The following SFMBT2 variants were observed in gnomAD, a reference collection of about 807,000 sequenced individuals.
The protein encoded by SFMBT2 is scm-like with four MBT domains protein 2.
In SFMBT2, 38 loss-of-function variants were observed where a neutral mutation model predicts 110.1. That is an observed-to-expected ratio of 0.35 (90% confidence interval 0.27 to 0.45). SFMBT2 has a LOEUF of 0.45. SFMBT2 is among the 20% of genes least tolerant of loss of function. The pLI is 1.00. For synonymous variants in SFMBT2, 425 were observed against 425.4 expected, an observed-to-expected ratio of 1.00 and a Z score of 0.01; for missense variants, 1,011 against 1,094.9, an observed-to-expected ratio of 0.92 and a Z score of 1.08.
intron 9 of SFMBT2, among the ~76,000 whole-genome samples, chr10:7,240,798 T>C (rs1840403672): frequency 6.6e-6 from 1 of 152,228 alleles, no homozygotes. Context: ...TCTTGTATTG[T>C]GTGCTCTTCT....
At chr10:7,303,756 G>A (rs768264116) in intron 4 of SFMBT2, among the ~76,000 whole-genome samples, 22 of 152,092 alleles carry the variant, frequency 1.4e-4, no homozygotes, top group African/African-American at 4.1e-4. Flanking sequence ...ATTTTCTGCC[G>A]GAAGAGAAAG....
chr10:7,406,036 G>A (rs144264345), intron 1 of SFMBT2, among the ~76,000 whole-genome samples: 1 of 151,560 alleles, frequency 6.6e-6, no homozygotes, highest in East Asian at 1.9e-4. Context: ...ACCACAAAAT[G>A]CATCCTGAAT....
intron 11 of SFMBT2, among the ~76,000 whole-genome samples, chr10:7,218,420 G>C (rs1204084061): frequency 6.6e-6 from 1 of 152,176 alleles, no homozygotes; most frequent in African/African-American, 2.4e-5. Context: ...TACTTTATTT[G>C]TATGCAGTAT....
chr10:7,337,812 A>G (rs1355920731), intron 4 of SFMBT2, among the ~76,000 whole-genome samples: 1 of 152,172 alleles, frequency 6.6e-6, no homozygotes, highest in Non-Finnish European at 1.5e-5. Context: ...GAATCAACTG[A>G]AGACGAAAAT....
chr10:7,202,969 T>G, intron 12 of SFMBT2: 1 of 985,424 alleles, frequency 1.0e-6, no homozygotes, highest in Non-Finnish European at 1.2e-6. Context: ...AACATGTTAT[T>G]CACAAAAGGA....
intron 13 of SFMBT2, among the ~76,000 whole-genome samples, chr10:7,202,119 G>A (rs968808963): frequency 1.3e-5 from 2 of 152,202 alleles, no homozygotes; most frequent in African/African-American, 4.8e-5. Flanking sequence ...CATTCTGAGT[G>A]TGGTGAGGGG....
chr10:7,166,048 C>T (rs1837686319), intron 20 of SFMBT2, among the ~76,000 whole-genome samples: 1 of 152,208 alleles, frequency 6.6e-6, no homozygotes, highest in African/African-American at 2.4e-5. Flanking sequence ...CTCATAAAAA[C>T]ACATTTTAAG....
intron 11 of SFMBT2, among the ~76,000 whole-genome samples, chr10:7,208,961 C>T (rs1588340444): frequency 3.3e-5 from 5 of 152,294 alleles, no homozygotes; most frequent in African/African-American, 1.2e-4. Flanking sequence ...ATTATGCCTT[C>T]TCCCACCCCA....
chr10:7,388,276 A>AT (rs944642382), intron 1 of SFMBT2, among the ~76,000 whole-genome samples: 1 of 150,910 alleles, frequency 6.6e-6, no homozygotes, highest in African/African-American at 2.4e-5. Flanking sequence ...TTAGATGGTG[A>AT]TAAGTGCTAT....
At chr10:7,397,340 G>C (rs1845953099) in intron 1 of SFMBT2, among the ~76,000 whole-genome samples, 2 of 151,676 alleles carry the variant, frequency 1.3e-5, no homozygotes, top group South Asian at 4.2e-4. Context: ...CTCTGCAAAG[G>C]GAAAGGGCTT....
chr10:7,329,013 G>A (rs556189518), intron 4 of SFMBT2, among the ~76,000 whole-genome samples: 4 of 152,214 alleles, frequency 2.6e-5, no homozygotes, highest in South Asian at 2.1e-4. Context: ...ATTCCCTGCC[G>A]GCTCCTGAAT....
chr10:7,373,594 C>T (rs1845118462), intron 2 of SFMBT2, among the ~76,000 whole-genome samples: 1 of 152,134 alleles, frequency 6.6e-6, no homozygotes, highest in Admixed American at 6.5e-5. Context: ...GAAGTACTTT[C>T]CCCCTCCTTC....
chr10:7,384,880 G>A (rs543075014), intron 1 of SFMBT2, among the ~76,000 whole-genome samples: 2 of 152,272 alleles, frequency 1.3e-5, no homozygotes, highest in African/African-American at 4.8e-5. Flanking sequence ...CACTGCATTG[G>A]CGGCCACAGA....
chr10:7,215,763 C>G, intron 11 of SFMBT2: 2 of 982,382 alleles, frequency 2.0e-6, no homozygotes, highest in Non-Finnish European at 2.4e-6. Flanking sequence ...ACCTGCTTCC[C>G]TCCTCCTTCC....
intron 10 of SFMBT2, among the ~76,000 whole-genome samples, chr10:7,226,426 G>A (rs141764227): frequency 3.3e-5 from 5 of 152,304 alleles, no homozygotes; most frequent in East Asian, 1.9e-4. Context: ...TTCTCGCTTC[G>A]TTTTTCATAT....
At chr10:7,329,613 A>T (rs1843505438) in intron 4 of SFMBT2, 1 of 592,736 alleles carries the variant, frequency 1.7e-6, no homozygotes, top group African/African-American at 2.0e-5. Flanking sequence ...CTCGGTTAGA[A>T]ATCCAGATGG....
At position 7,408,797 on chromosome 10, in the gene SFMBT2, T is replaced by G. The variant is rs1418286479; in HGVS notation, c.-52+2064A>C. 9 of 152,398 alleles carry G rather than the reference T, an allele frequency of 5.9e-5. No homozygotes were observed. The highest frequency in any genetic ancestry group is 5.9e-4 in the Admixed American group (9 of 15,286). 9.4% of individuals were successfully genotyped at this position (152,398 alleles called of 1,614,324 possible). On this transcript the variant is annotated intron_variant, in intron 1 of 20. Coordinates refer to ENST00000397167, the MANE Select transcript of SFMBT2 (RefSeq NM_001387889.1). The surrounding 1 kb of genome is among the most constrained non-coding windows in gnomAD (Gnocchi z 5.7). ...CCTGACCCCGATTTTGTCTCCGAAC[T>G]CCACTCCCAGATCCTCCCCGCCCTG...
At chr10:7,220,599 A>T in intron 10 of SFMBT2, 62 bp from the exon 11 acceptor site, 1 of 1,589,928 alleles carries the variant, frequency 6.3e-7, no homozygotes, top group Non-Finnish European at 8.6e-7. Flanking sequence ...AGCTGGGCAG[A>T]TGAAGAAAGA....
intron 13 of SFMBT2, 153 bp downstream of exon 13, chr10:7,202,327 T>C: frequency 2.3e-6 from 1 of 426,972 alleles, no homozygotes; most frequent in Non-Finnish European, 3.1e-6. Context: ...AACAGGTACA[T>C]AACAAATAAC....
Sources: allele counts gnomAD v4.1 joint callset (sites outside exome capture counted in the v4.1 genomes callset), GRCh38; gene constraint gnomAD v4.1.1; non-coding constraint Gnocchi (gnomAD v3.1); transcripts MANE v1.5; gene names NCBI Gene and HGNC (gene_info 2026-07-23, HGNC 2026-07-21).